STYK1: variants seen among roughly 807,000 people sequenced by gnomAD.
STYK1 encodes the protein tyrosine-protein kinase STYK1.
Under a neutral mutation model 48.1 loss-of-function variants are expected in STYK1, and 46 were observed. The ratio of observed to expected loss-of-function variants is 0.96; its 90% CI spans 0.75 to 1.22. STYK1 has a LOEUF of 1.22. Among genes scored for constraint, STYK1 ranks in the 50% most tolerant of loss-of-function variants. STYK1 has a pLI of 0.00. For synonymous variants in STYK1, 188 were observed against 189.0 expected, an observed-to-expected ratio of 0.99 and a Z score of 0.04; for missense variants, 527 against 521.1, an observed-to-expected ratio of 1.01 and a Z score of -0.11.
At chr12:10,648,313 C>T (rs553004169) in intron 1 of STYK1, among the ~76,000 whole-genome samples, 1 of 151,994 alleles carries the variant, frequency 6.6e-6, no homozygotes, top group Non-Finnish European at 1.5e-5. Flanking sequence ...GTGATAACTT[C>T]CTAAGCTTAA....
intron 1 of STYK1, among the ~76,000 whole-genome samples, chr12:10,657,393 T>G (rs1947730881): frequency 6.6e-6 from 1 of 152,258 alleles, no homozygotes; most frequent in Non-Finnish European, 1.5e-5. Context: ...GAAAGAGCTC[T>G]GATTAATTGG....
rs114921375 is a variant in STYK1 at position 10,619,845 on chromosome 12, G to C, written c.*299C>G. On this transcript the variant is annotated 3_prime_UTR_variant, in exon 11 of 11. Coordinates refer to ENST00000075503, the MANE Select transcript of STYK1 (RefSeq NM_018423.3). Reference sequence around the variant, plus strand: ...TCGGACGGGAGGGATGAGCTTATTTGTGCCATGCCCCAACAAATACTGCAG... The same window carrying C: ...TCGGACGGGAGGGATGAGCTTATTTCTGCCATGCCCCAACAAATACTGCAG... 1.1e-3 allele frequency: 490 copies of C among 433,518 alleles called. 3 individuals carry two copies. Among genetic ancestry groups the C allele is most frequent in the African/African-American group, 9.0e-3 (449 of 50,008 alleles). 26.9% of individuals were successfully genotyped at this position (433,518 alleles called of 1,614,324 possible). A position where few individuals can be genotyped will look rare whatever the true frequency, so the allele number is the denominator to read the frequency against.
chr12:10,670,995 A>ATTT (rs763044772), intron 1 of STYK1, among the ~76,000 whole-genome samples: 49,295 of 110,078 alleles, frequency 0.45, 12,778 homozygotes, highest in East Asian at 0.6. Flanking sequence ...GAATATATTG[A>ATTT]TTTTTTTTTT....
At chr12:10,638,186 T>C (rs1947506605) in intron 1 of STYK1, among the ~76,000 whole-genome samples, 1 of 152,234 alleles carries the variant, frequency 6.6e-6, no homozygotes, top group Non-Finnish European at 1.5e-5. Flanking sequence ...TTGTAAAATA[T>C]GTTTGTATAT....
In STYK1 at chr12:10,619,705, G is replaced by A. The variant is rs1865874269; in HGVS notation, c.*439C>T. 1 of 257,414 alleles carries A rather than the reference G, an allele frequency of 3.9e-6. No homozygotes were observed. Among genetic ancestry groups the A allele is most frequent in the South Asian group, 1.3e-4 (1 of 7,882 alleles). 15.9% of individuals were successfully genotyped at this position (257,414 alleles called of 1,614,324 possible). A position where few individuals can be genotyped will look rare whatever the true frequency, so the allele number is the denominator to read the frequency against. Reference sequence around the variant, plus strand: ...GGTGTTGGTCCATATCTGTAATCCTGAGCAAGAAGAACCTTAAATTTTCTT... The same window carrying A: ...GGTGTTGGTCCATATCTGTAATCCTAAGCAAGAAGAACCTTAAATTTTCTT... On this transcript the variant is annotated 3_prime_UTR_variant, in exon 11 of 11. Transcript: ENST00000075503.
At chr12:10,665,944 A>G (rs979465174) in intron 1 of STYK1, among the ~76,000 whole-genome samples, 8 of 152,234 alleles carry the variant, frequency 5.3e-5, no homozygotes, top group African/African-American at 1.9e-4. Context: ...GAATCTGCGA[A>G]TAAGTCTTAT....
intron 1 of STYK1, among the ~76,000 whole-genome samples, chr12:10,668,568 T>C (rs12321501): frequency 8.2e-6 from 1 of 121,260 alleles, no homozygotes; most frequent in African/African-American, 2.9e-5. Context: ...TTTTTTTTTG[T>C]ATATTTACTA....
chr12:10,665,942 G>A (rs1033194199), intron 1 of STYK1, among the ~76,000 whole-genome samples: 3 of 152,154 alleles, frequency 2.0e-5, no homozygotes, highest in Admixed American at 6.5e-5. Flanking sequence ...TGGAATCTGC[G>A]AATAAGTCTT....
intron 4 of STYK1, 115 bp from the exon 5 acceptor site, chr12:10,631,423 G>T (rs552160684): frequency 2.3e-6 from 3 of 1,290,252 alleles, no homozygotes; most frequent in Non-Finnish European, 3.2e-6. Context: ...TTGGCCAATG[G>T]GGAGTTGTCT....
chr12:10,631,612 A>G (rs964379970), intron 4 of STYK1, among the ~76,000 whole-genome samples: 6 of 152,160 alleles, frequency 3.9e-5, no homozygotes, highest in African/African-American at 1.4e-4. Flanking sequence ...TATGGAGACA[A>G]TTAGGGAAGT....
At chr12:10,662,211 G>T (rs147246295) in intron 1 of STYK1, among the ~76,000 whole-genome samples, 2 of 150,352 alleles carry the variant, frequency 1.3e-5, no homozygotes, top group East Asian at 4.0e-4. Context: ...TCCTTTTTGA[G>T]GCTAAATAAT....
chr12:10,658,376 T>C (rs1453656486), intron 1 of STYK1, among the ~76,000 whole-genome samples: 1 of 152,200 alleles, frequency 6.6e-6, no homozygotes, highest in African/African-American at 2.4e-5. Flanking sequence ...CGAAATTTTG[T>C]TTGCCTTTTG....
chr12:10,668,490 C>A (rs976027017), intron 1 of STYK1, among the ~76,000 whole-genome samples: 6 of 150,774 alleles, frequency 4.0e-5, no homozygotes, highest in African/African-American at 1.5e-4. Flanking sequence ...AATCTCCTGC[C>A]TCAGCCTCCC....
At chr12:10,621,721 A>G (rs755498) in intron 10 of STYK1, among the ~76,000 whole-genome samples, 155 bp downstream of exon 10, 59,589 of 151,834 alleles carry the variant, frequency 0.39, 11,907 homozygotes, top group Middle Eastern at 0.49. Flanking sequence ...AATATATGAG[A>G]TAGGTATATT....
At chr12:10,670,927 A>G (rs565326003) in intron 1 of STYK1, among the ~76,000 whole-genome samples, 11 of 150,422 alleles carry the variant, frequency 7.3e-5, no homozygotes, top group African/African-American at 2.7e-4. Flanking sequence ...AAGCTCAGGT[A>G]CAGTAGGCAG....
intron 1 of STYK1, among the ~76,000 whole-genome samples, chr12:10,671,776 G>A (rs752479164): frequency 2.0e-5 from 3 of 152,210 alleles, no homozygotes; most frequent in African/African-American, 4.8e-5. Context: ...GCAGATCTTC[G>A]GAGCACATGT....
At chr12:10,671,554 G>A (rs1947892406) in intron 1 of STYK1, among the ~76,000 whole-genome samples, 1 of 152,142 alleles carries the variant, frequency 6.6e-6, no homozygotes, top group Non-Finnish European at 1.5e-5. Context: ...GACTGAAGGA[G>A]GCAAGGAAAT....
chr12:10,634,368 A>T (rs1275516529), intron 3 of STYK1, among the ~76,000 whole-genome samples, 199 bp downstream of exon 3: 1 of 152,288 alleles, frequency 6.6e-6, no homozygotes, highest in East Asian at 1.9e-4. Flanking sequence ...TCTTACCAAG[A>T]TTGAAGATGC....
At chr12:10,623,657 T>G (rs373666744) in intron 8 of STYK1, among the ~76,000 whole-genome samples, 1 of 152,174 alleles carries the variant, frequency 6.6e-6, no homozygotes, top group African/African-American at 2.4e-5. Flanking sequence ...AAAAATAAAC[T>G]GCTGAAAAAG....
Sources: allele counts gnomAD v4.1 joint callset (sites outside exome capture counted in the v4.1 genomes callset), GRCh38; gene constraint gnomAD v4.1.1; transcripts MANE v1.5; gene names NCBI Gene and HGNC (gene_info 2026-07-23, HGNC 2026-07-21).